The following MYO9A variants were observed in gnomAD, a reference collection of about 807,000 sequenced individuals.
The protein encoded by MYO9A is unconventional myosin-IXa.
A neutral mutation model predicts 293.3 loss-of-function variants in MYO9A; 103 were observed. The ratio of observed to expected loss-of-function variants is 0.35; its 90% CI spans 0.30 to 0.41. The LOEUF (loss-of-function observed/expected upper bound fraction) is 0.41, where lower values mean the gene tolerates loss of function less well. Ranked by LOEUF, MYO9A falls within the 10% of genes least tolerant of loss-of-function variation. The pLI, the probability that MYO9A is intolerant of heterozygous loss-of-function variation, is 1.00. For missense variants in MYO9A, 2,685 were observed against 3,033.0 expected (o/e 0.89, Z 2.69); for synonymous variants, 1,001 against 1,035.7 (o/e 0.97, Z 0.64).
chr15:72,034,383 G>T (rs190884240), intron 2 of MYO9A, among the ~76,000 whole-genome samples: 3 of 152,148 alleles, frequency 2.0e-5, no homozygotes, highest in Non-Finnish European at 2.9e-5. Flanking sequence ...ATTTTACTAT[G>T]TCTTAAGAAA....
intron 11 of MYO9A, among the ~76,000 whole-genome samples, 169 bp from the exon 12 acceptor site, chr15:71,978,461 A>G (rs1243531303): frequency 6.6e-6 from 1 of 152,180 alleles, no homozygotes; most frequent in Non-Finnish European, 1.5e-5. Context: ...AATACAACGT[A>G]TTTGTTTTCT....
chr15:72,087,352 C>T (rs184303720), intron 1 of MYO9A, among the ~76,000 whole-genome samples: 100 of 152,330 alleles, frequency 6.6e-4, no homozygotes, highest in African/African-American at 2.4e-3. Context: ...GACACTCCTG[C>T]ACCAAACCCT....
At position 71,876,397 on chromosome 15, in the gene MYO9A, C is replaced by T. The variant is rs138792874; in HGVS notation, c.5932-559G>A. ...TCGGCCTCCCAAAGTGCTGGGATTG[C>T]GGGCTTGAGCCACCACGCCTGGCTG... On this transcript the variant is annotated intron_variant, in intron 31 of 41. Transcript: ENST00000356056. Among the ~76,000 whole-genome samples, 749 of 142,552 alleles carry T rather than the reference C, an allele frequency of 5.3e-3. 9 individuals are homozygous for T. Among genetic ancestry groups the T allele is most frequent in the African/African-American group, 0.019 (711 of 38,276 alleles). 93.5% of individuals were successfully genotyped at this position (142,552 alleles called of 152,430 possible). A position where few individuals can be genotyped will look rare whatever the true frequency, so the allele number is the denominator to read the frequency against.
At chr15:72,068,291 A>T (rs2079079822) in intron 1 of MYO9A, among the ~76,000 whole-genome samples, 1 of 152,026 alleles carries the variant, frequency 6.6e-6, no homozygotes, top group Non-Finnish European at 1.5e-5. Flanking sequence ...TATTTTACTA[A>T]TTTTTTTAAA....
chr15:71,910,182 A>ATATATATATATATATATAT (rs1567260909), intron 19 of MYO9A, among the ~76,000 whole-genome samples: 2 of 145,732 alleles, frequency 1.4e-5, no homozygotes, highest in South Asian at 2.1e-4. Flanking sequence ...ATATATATAT[A>ATATATATATATATATATAT]AAATCAGAAA....
intron 1 of MYO9A, among the ~76,000 whole-genome samples, chr15:72,085,788 G>A (rs952471446): frequency 7.2e-5 from 11 of 152,212 alleles, no homozygotes; most frequent in African/African-American, 1.7e-4. Flanking sequence ...GCTGTCCTTC[G>A]AAATGGTTTT....
At chr15:71,922,720 T>C (rs774533935) in intron 18 of MYO9A, among the ~76,000 whole-genome samples, 3 of 152,226 alleles carry the variant, frequency 2.0e-5, no homozygotes, top group Non-Finnish European at 2.9e-5. Context: ...CAATATGACA[T>C]TTTAATTTTA....
chr15:72,082,635 T>C (rs1224015087), intron 1 of MYO9A, among the ~76,000 whole-genome samples: 1 of 152,112 alleles, frequency 6.6e-6, no homozygotes, highest in Non-Finnish European at 1.5e-5. Flanking sequence ...AAGACAAATG[T>C]TTCCAGTTTT....
intron 9 of MYO9A, among the ~76,000 whole-genome samples, chr15:71,999,317 T>TCAGTATA (rs2076797369): frequency 6.6e-6 from 1 of 152,024 alleles, no homozygotes; most frequent in African/African-American, 2.4e-5. Flanking sequence ...CCTAGGAGCC[T>TCAGTATA]CAGTATACAG....
At chr15:72,110,872 G>C (rs1480453695) in intron 1 of MYO9A, among the ~76,000 whole-genome samples, 1 of 152,022 alleles carries the variant, frequency 6.6e-6, no homozygotes, top group Non-Finnish European at 1.5e-5. Flanking sequence ...TAAAATTCTT[G>C]ATTTCGGCCG....
intron 14 of MYO9A, among the ~76,000 whole-genome samples, chr15:71,956,355 T>A (rs1262739080): frequency 8.6e-4 from 41 of 47,492 alleles, no homozygotes; most frequent in Admixed American, 3.8e-4. Flanking sequence ...ATATATAAAA[T>A]ACGCCCAGCG....
At chr15:71,917,452 T>G (rs1202080428) in intron 18 of MYO9A, among the ~76,000 whole-genome samples, 1 of 152,096 alleles carries the variant, frequency 6.6e-6, no homozygotes, top group African/African-American at 2.4e-5. Context: ...GGAGAACTGC[T>G]TGAACCCGGG....
chr15:72,000,253 T>C (rs1472652416), intron 8 of MYO9A, among the ~76,000 whole-genome samples: 1 of 152,258 alleles, frequency 6.6e-6, no homozygotes, highest in Non-Finnish European at 1.5e-5. Context: ...TAATCCCACA[T>C]GCTGGAGGCA....
chr15:71,936,390 T>A (rs1055304637), intron 16 of MYO9A, among the ~76,000 whole-genome samples: 8 of 152,096 alleles, frequency 5.3e-5, no homozygotes, highest in African/African-American at 1.9e-4. Context: ...ACAACAGGAA[T>A]AAATTGTGGT....
At position 71,835,434 on chromosome 15, in the gene MYO9A, C is replaced by A. The variant is rs999161823; in HGVS notation, c.6838-5123G>T. ...AACTTATTAGAATAAGTGAATTCAG[C>A]AAAGTCACTGAATACAAGATGAAAA... On this transcript the variant is annotated intron_variant, in intron 39 of 41. Transcript: ENST00000356056. Among the ~76,000 whole-genome samples the A allele has an allele frequency of 1.3e-5, 2 of 152,120 alleles. 1 individual carries two copies. Among genetic ancestry groups the A allele is most frequent in the Non-Finnish European group, 2.9e-5 (2 of 67,974 alleles).
At chr15:71,981,619 T>G (rs1434257014) in intron 11 of MYO9A, among the ~76,000 whole-genome samples, 1 of 150,622 alleles carries the variant, frequency 6.6e-6, no homozygotes, top group African/African-American at 2.4e-5. Flanking sequence ...ATTTTGGTTA[T>G]TTATATCCCT....
intron 6 of MYO9A, among the ~76,000 whole-genome samples, chr15:72,016,500 T>C (rs969788368): frequency 6.6e-6 from 1 of 152,204 alleles, no homozygotes; most frequent in African/African-American, 2.4e-5. Context: ...TTCCACGAAA[T>C]ACATAAGTAA....
chr15:71,968,121 G>A lies in MYO9A; in HGVS notation c.1849C>T (p.Pro617Ser), dbSNP rs1479527372. Reference sequence around the variant, plus strand: ...AGCAATGTTTGATTTGTAGCCTGTGGAAAGCTGAATTAAAAAAAAAAGAAA... The same window carrying A: ...AGCAATGTTTGATTTGTAGCCTGTGAAAAGCTGAATTAAAAAAAAAAGAAA... ...LHLLDEESNFPQATNQTLLDK... is the reference protein window; with the variant it reads ...LHLLDEESNFSQATNQTLLDK... Residue 617 changes from proline to serine, a missense_variant, in exon 13 of 42, where the codon CCA (proline) becomes TCA (serine). By Grantham distance (74) the Pro-to-Ser change is moderately conservative. Around this residue, in one of 10 missense-constraint regions of MYO9A, gnomAD observed 201 missense variants for 245.2 expected, o/e 0.82. Coordinates refer to ENST00000356056, the MANE Select transcript of MYO9A (RefSeq NM_006901.4). 1.9e-6 allele frequency: 3 copies of A among 1,561,314 alleles called. No homozygotes were observed. Among genetic ancestry groups the A allele is most frequent in the Non-Finnish European group, 1.7e-6 (2 of 1,156,296 alleles).
rs1203810134 is a variant in MYO9A at position 71,852,135 on chromosome 15, T to A, written c.6472A>T (p.Met2158Leu). The change falls in exon 36 of 42, where the codon ATG (methionine) becomes TTG (leucine). Residue 2158 changes from methionine (M) to leucine (L), a missense_variant. Coordinates refer to ENST00000356056, the MANE Select transcript of MYO9A (RefSeq NM_006901.4). ...FELYEEFLRA[M>L]GLQERKETIR... ...AACCCAGGAAGCCTATGCTTACCCATAGCTCGAAGAAATTCCTCATAGAGT... is the reference window on the plus strand; with the variant it reads ...AACCCAGGAAGCCTATGCTTACCCAAAGCTCGAAGAAATTCCTCATAGAGT... The A allele has an allele frequency of 1.2e-6, 2 of 1,611,698 alleles. No individual in the cohort carries two copies. The highest frequency in any genetic ancestry group is 3.3e-5 in the Admixed American group (2 of 59,954).
Sources: gnomAD v4.1 joint callset for allele counts (sites outside exome capture counted in the v4.1 genomes callset) on GRCh38, gnomAD v4.1.1 for gene constraint, gnomAD v4.1.1 regional missense constraint, MANE v1.5 for transcripts, NCBI Gene and HGNC (gene_info 2026-07-23, HGNC 2026-07-21) for gene names.